PDE1C: variants seen among roughly 807,000 people sequenced by gnomAD.
The protein encoded by PDE1C is phosphodiesterase 1C, also known as dual specificity calcium/calmodulin-dependent 3',5'-cyclic nucleotide phosphodiesterase 1C.
In PDE1C, 62 loss-of-function variants were observed where a neutral mutation model predicts 93.1. That is an observed-to-expected ratio of 0.67 (90% CI 0.54 to 0.82). PDE1C has a LOEUF of 0.82. Among genes scored for constraint, PDE1C ranks in the 40% least tolerant of loss-of-function variants. PDE1C has a pLI of 0.00. For missense variants in PDE1C, 742 were observed against 884.6 expected (o/e 0.84, Z 2.04); for synonymous variants, 325 against 310.1 (o/e 1.05, Z -0.50).
Position 31,977,441 on chromosome 7 carries a change from A to C in PDE1C, c.128+74113T>G, listed in dbSNP as rs149572069. Among the ~76,000 whole-genome samples, 28 of 152,320 alleles carry C rather than the reference A, an allele frequency of 1.8e-4. No homozygotes were observed. In the East Asian group the frequency reaches 4.8e-3, roughly 26 times the overall value. ...TGTTATAGCAATAGAAAACAGACTAAGACAATACATTAGGCTTCTTTATAT... is the reference window on the plus strand; with the variant it reads ...TGTTATAGCAATAGAAAACAGACTACGACAATACATTAGGCTTCTTTATAT... On this transcript the variant is annotated intron_variant, in intron 2 of 17. Coordinates refer to ENST00000396191, the MANE Select transcript of PDE1C (RefSeq NM_001191057.4).
intron 2 of PDE1C, among the ~76,000 whole-genome samples, chr7:31,885,390 C>T (rs536285242): frequency 1.3e-5 from 2 of 152,194 alleles, no homozygotes; most frequent in African/African-American, 2.4e-5. Context: ...TGGCAAGATG[C>T]CTTTCAGTTA....
intron 2 of PDE1C, among the ~76,000 whole-genome samples, chr7:32,043,087 G>A (rs915765331): frequency 2.6e-5 from 4 of 152,176 alleles, no homozygotes; most frequent in African/African-American, 9.7e-5. Flanking sequence ...GCTAGGGGAA[G>A]ATGAGATGTT....
At chr7:31,703,213 C>G in the PDE1C span, among the ~76,000 whole-genome samples, 25 of 152,326 alleles carry the variant, frequency 1.6e-4, no homozygotes, top group African/African-American at 5.8e-4. Context: ...TCTGTTCAAT[C>G]TTATATTCTT....
At chr7:32,377,459 T>C (rs1347224588) in intron 1 of PDE1C, among the ~76,000 whole-genome samples, 1 of 152,240 alleles carries the variant, frequency 6.6e-6, no homozygotes, top group Admixed American at 6.5e-5. Flanking sequence ...TCACTGCCTC[T>C]TTGGTATCTC....
chr7:31,682,092 C>T, the PDE1C span, among the ~76,000 whole-genome samples: 1 of 152,156 alleles, frequency 6.6e-6, no homozygotes, highest in East Asian at 1.9e-4. Flanking sequence ...CCCTGGGCCT[C>T]ACTTTCTTCA....
chr7:32,227,216 G>C (rs1807351582), intron 1 of PDE1C, among the ~76,000 whole-genome samples: 1 of 152,048 alleles, frequency 6.6e-6, no homozygotes, highest in Admixed American at 6.5e-5. Context: ...TATGGGTAGA[G>C]AAAAAAAGCT....
At chr7:31,637,695 A>T in the PDE1C span, among the ~76,000 whole-genome samples, 7 of 152,046 alleles carry the variant, frequency 4.6e-5, no homozygotes, top group African/African-American at 1.4e-4. Context: ...TTGCTTGTTC[A>T]CTCTGATGGT....
chr7:31,730,047 T>C, the PDE1C span, among the ~76,000 whole-genome samples: 2 of 152,172 alleles, frequency 1.3e-5, no homozygotes, highest in Non-Finnish European at 2.9e-5. Context: ...ATACAATGAT[T>C]TGATGCACCT....
intron 2 of PDE1C, among the ~76,000 whole-genome samples, chr7:32,182,231 G>A (rs1052987468): frequency 2.0e-5 from 3 of 152,154 alleles, no homozygotes; most frequent in Non-Finnish European, 2.9e-5. Flanking sequence ...ACAAGGAGGA[G>A]CTGGTACCAT....
intron 3 of PDE1C, among the ~76,000 whole-genome samples, chr7:32,162,431 C>A (rs1408733549): frequency 6.6e-6 from 1 of 152,056 alleles, no homozygotes; most frequent in Non-Finnish European, 1.5e-5. Context: ...ATTAGACATA[C>A]AAGAAATGTA....
intron 1 of PDE1C, among the ~76,000 whole-genome samples, chr7:32,397,388 A>G (rs984753091): frequency 1.1e-4 from 16 of 152,200 alleles, no homozygotes; most frequent in African/African-American, 3.4e-4. Context: ...CATTTCTCAC[A>G]TATCAGATTG....
intron 2 of PDE1C, among the ~76,000 whole-genome samples, chr7:31,891,867 G>A (rs1798686645): frequency 6.6e-6 from 1 of 151,776 alleles, no homozygotes; most frequent in African/African-American, 2.4e-5. Flanking sequence ...GGAGGGCTCT[G>A]AATAAGATTG....
At chr7:32,283,004 G>T (rs983120716) in intron 1 of PDE1C, among the ~76,000 whole-genome samples, 1 of 152,132 alleles carries the variant, frequency 6.6e-6, no homozygotes, top group Non-Finnish European at 1.5e-5. Flanking sequence ...TTGGAGAGTG[G>T]GAGTTGTTTA....
chr7:32,365,556 C>G (rs754880152), intron 1 of PDE1C, among the ~76,000 whole-genome samples: 46 of 152,138 alleles, frequency 3.0e-4, no homozygotes, highest in Non-Finnish European at 5.1e-4. Flanking sequence ...GACCTACAGT[C>G]CACCCTAGCA....
intron 3 of PDE1C, among the ~76,000 whole-genome samples, chr7:32,159,573 T>G (rs1421529594): frequency 2.6e-5 from 4 of 152,180 alleles, no homozygotes; most frequent in African/African-American, 9.7e-5. Flanking sequence ...CCCATATCAG[T>G]AGGCCAATCT....
chr7:31,695,679 A>G, the PDE1C span: 1 of 1,530,570 alleles, frequency 6.5e-7, no homozygotes, highest in Non-Finnish European at 8.8e-7. Context: ...ACTAGGTTGC[A>G]TTGTTCGTAC....
intron 16 of PDE1C, among the ~76,000 whole-genome samples, chr7:31,794,076 A>ATAG (rs1784958773): frequency 6.7e-6 from 1 of 149,762 alleles, no homozygotes; most frequent in Non-Finnish European, 1.5e-5. Flanking sequence ...AGACAGACAG[A>ATAG]CAGACAGACA....
intron 1 of PDE1C, among the ~76,000 whole-genome samples, chr7:32,336,362 C>G (rs1783624976): frequency 6.6e-6 from 1 of 152,134 alleles, no homozygotes; most frequent in Admixed American, 6.5e-5. Flanking sequence ...CCACTTTAAT[C>G]CATTAGAGAG....
At chr7:31,878,486 A>G (rs748948066) in intron 4 of PDE1C, among the ~76,000 whole-genome samples, 5 of 152,242 alleles carry the variant, frequency 3.3e-5, no homozygotes, top group Non-Finnish European at 7.3e-5. Context: ...TGTTTCTAAA[A>G]TGTATAATTA....
Sources: gnomAD v4.1 joint callset for allele counts (sites outside exome capture counted in the v4.1 genomes callset) on GRCh38, gnomAD v4.1.1 for gene constraint, MANE v1.5 for transcripts, NCBI Gene and HGNC (gene_info 2026-07-23, HGNC 2026-07-21) for gene names.